ACE: variants seen among roughly 807,000 people sequenced by gnomAD.
ACE encodes the protein angiotensin-converting enzyme.
Under a neutral mutation model 162.3 loss-of-function variants are expected in ACE, and 122 were observed. That is an observed-to-expected ratio of 0.75 (90% confidence interval 0.65 to 0.87). ACE has a LOEUF of 0.87. Ranked by LOEUF, ACE falls within the 40% of genes least tolerant of loss-of-function variation. The probability of loss-of-function intolerance (pLI) is 0.00; values close to 1 mark genes in which losing one functional copy is unlikely to be tolerated. For synonymous variants in ACE, 796 were observed against 720.6 expected, an observed-to-expected ratio of 1.10 and a Z score of -1.68; for missense variants, 1,799 against 1,735.1, an observed-to-expected ratio of 1.04 and a Z score of -0.65.
intron 15 of ACE, among the ~76,000 whole-genome samples, chr17:63,488,307 C>T (rs1012076828): frequency 1.4e-5 from 2 of 147,242 alleles, no homozygotes; most frequent in African/African-American, 2.5e-5. Context: ...TGCAGTGAGC[C>T]GAGATGGCGC....
At chr17:63,481,230 T>A in intron 6 of ACE, 42 bp downstream of exon 6, 5 of 526,750 alleles carry the variant, frequency 9.5e-6, no homozygotes, top group Non-Finnish European at 1.7e-5. Flanking sequence ...GGGTCGGGGG[T>A]GGGGCGCAAA....
rs755617014 is a variant in ACE at position 63,477,363 on chromosome 17, CG to C, written c.249+25del. 7.6e-6 allele frequency: 9 copies of C among 1,183,730 alleles called. No individual in the cohort carries two copies. The South Asian group carries it at 8.0e-5, about 11-fold the overall frequency. The allele number at this position is 1,183,730 out of a possible 1,614,324, so 73.3% of individuals were successfully genotyped here. ...CGCCAGGTGGGCGCCCGGGCCCGGG[CG>C]GGGGCGGGGCGGGGCCGCGGCGGCC... On this transcript the variant is annotated intron_variant, in intron 1 of 24. Coordinates refer to ENST00000290866, the MANE Select transcript of ACE (RefSeq NM_000789.4).
chr17:63,478,154 G>T, intron 2 of ACE, 56 bp downstream of exon 2: 1 of 1,545,246 alleles, frequency 6.5e-7, no homozygotes, highest in Non-Finnish European at 8.7e-7. Context: ...CCCATCGTGG[G>T]GGTCGGGGGA....
Position 63,489,138 on chromosome 17 carries a change from G to C in ACE, c.2641+6G>C, listed in dbSNP as rs779732315. On this transcript the variant is annotated splice_donor_region_variant and intron_variant, in intron 17 of 24. Coordinates refer to ENST00000290866, the MANE Select transcript of ACE (RefSeq NM_000789.4). ...CATTCCTGCTCACCTGCTGGGTAAGGGCACATGTCGGGCCTTGAGGAGGGT... is the reference window on the plus strand; with the variant it reads ...CATTCCTGCTCACCTGCTGGGTAAGCGCACATGTCGGGCCTTGAGGAGGGT... 1.2e-5 allele frequency: 19 copies of C among 1,606,198 alleles called. No individual in the cohort carries two copies. The highest frequency in any genetic ancestry group is 1.6e-5 in the Non-Finnish European group (19 of 1,179,946).
In ACE at chr17:63,491,097, GACCCTCT is replaced by G; in HGVS notation, c.2739+47_2739+53del. ...AGGGAGGCCCCGCCGGGATGGGAGG[GACCCTCT>G]GATTCAGGAGTTCCCTCCAGTTTAG... On this transcript the variant is annotated intron_variant, in intron 18 of 24. Transcript: ENST00000290866. The surrounding 1 kb of genome is among the most constrained non-coding windows in gnomAD (Gnocchi z 4.4). 4 of 1,612,154 alleles carry G rather than the reference GACCCTCT, an allele frequency of 2.5e-6. No homozygotes were observed. The highest frequency in any genetic ancestry group is 3.4e-6 in the Non-Finnish European group (4 of 1,178,654).
intron 22 of ACE, 120 bp downstream of exon 22, chr17:63,494,590 C>T (rs1011186630): frequency 1.1e-5 from 10 of 901,970 alleles, no homozygotes; most frequent in South Asian, 2.8e-5. Context: ...GGGAGCCGGC[C>T]GCACGGTGCA....
rs2030721884 is a variant in ACE at position 63,496,277 on chromosome 17, C to T, written c.3381-117C>T. The T allele has an allele frequency of 1.6e-5, 24 of 1,512,784 alleles. No homozygotes were observed. In the East Asian group the frequency reaches 5.4e-4, roughly 34 times the overall value. 93.7% of individuals were successfully genotyped at this position (1,512,784 alleles called of 1,614,324 possible). On this transcript the variant is annotated intron_variant, in intron 22 of 24. Transcript: ENST00000290866. ...TGGGCAGAGTTGGGGGGCCTTGGCT[C>T]TGCTGTGCGCATGTGACTTAGCACA... is the stretch of plus-strand genomic sequence containing the variant.
chr17:63,489,114 A>G lies in ACE; in HGVS notation c.2623A>G (p.Ile875Val). 1.9e-6 allele frequency: 3 copies of G among 1,610,990 alleles called. No individual in the cohort carries two copies. The highest frequency in any genetic ancestry group is 2.2e-5 in the East Asian group (1 of 44,886). The change falls in exon 17 of 25, where the codon ATT becomes GTT. Residue 875 changes from isoleucine (I) to valine (V), a missense_variant. Physicochemically the swap from Ile to Val is conservative, Grantham distance 29. Transcript: ENST00000290866. ...CCAGCACATCAACCTGGAGGGGCCC[A>G]TTCCTGCTCACCTGCTGGGTAAGGG... ...GAQHINLEGP[I>V]PAHLLGNMWA...
Position 63,497,563 on chromosome 17 carries a change from C to G in ACE, c.*197C>G. ...TCTCCCAGCACACGGCTGCCTGACA[C>G]TGAGCCCCACCTCTCCAAGTCTCTC... On this transcript the variant is annotated 3_prime_UTR_variant, in exon 25 of 25. Transcript: ENST00000290866. 1 of 703,698 alleles carries G rather than the reference C, an allele frequency of 1.4e-6. No individual in the cohort carries two copies. Among genetic ancestry groups the G allele is most frequent in the Non-Finnish European group, 2.6e-6 (1 of 386,508 alleles). The allele number at this position is 703,698 out of a possible 1,614,324, so 43.6% of individuals were successfully genotyped here.
Position 63,477,252 on chromosome 17 carries a change from A to T in ACE, c.158A>T (p.Tyr53Phe). The T allele has an allele frequency of 6.7e-7, 1 of 1,502,774 alleles. No homozygotes were observed. The highest frequency in any genetic ancestry group is 8.9e-7 in the Non-Finnish European group (1 of 1,128,064). The allele number at this position is 1,502,774 out of a possible 1,614,324, so 93.1% of individuals were successfully genotyped here. A position where few individuals can be genotyped will look rare whatever the true frequency, so the allele number is the denominator to read the frequency against. The change falls in exon 1 of 25, where the codon TAC becomes TTC. Residue 53 changes from tyrosine (Y) to phenylalanine (F), a missense_variant. Coordinates refer to ENST00000290866, the MANE Select transcript of ACE (RefSeq NM_000789.4). ...GGGGCGCAGCTCTTCGCGCAGAGCT[A>T]CAACTCCAGCGCCGAACAGGTGCTG... ...EAGAQLFAQS[Y>F]NSSAEQVLFQ...
At chr17:63,490,804 T>A in intron 17 of ACE, 150 bp from the exon 18 acceptor site, 1 of 756,866 alleles carries the variant, frequency 1.3e-6, no homozygotes, top group South Asian at 1.5e-5. Flanking sequence ...AAAGATGATG[T>A]GTGCCTCAAA....
chr17:63,485,416 A>G, intron 13 of ACE, 44 bp downstream of exon 13: 1 of 1,611,450 alleles, frequency 6.2e-7, no homozygotes, highest in Non-Finnish European at 8.5e-7. Flanking sequence ...ATGTGCATAC[A>G]CACAGAGATG....
At chr17:63,496,261 T>C (rs1364605207) in intron 22 of ACE, 133 bp from the exon 23 acceptor site, 8 of 1,343,986 alleles carry the variant, frequency 6.0e-6, no homozygotes, top group African/African-American at 2.9e-5. Flanking sequence ...GTGGGCAGAG[T>C]TGGGGGGCCT....
At chr17:63,480,197 T>C (rs1439955938) in intron 4 of ACE, 140 bp from the exon 5 acceptor site, 3 of 962,418 alleles carry the variant, frequency 3.1e-6, no homozygotes, top group Non-Finnish European at 4.8e-6. Context: ...TTAGAAATTG[T>C]AGAGTGGCAA....
chr17:63,496,652 G>T, intron 23 of ACE, 136 bp downstream of exon 23: 1 of 1,578,280 alleles, frequency 6.3e-7, no homozygotes. Flanking sequence ...CGTGGGCCAG[G>T]CCTGATTGCC....
rs2049680345 is a variant in ACE at position 63,479,983 on chromosome 17, C to T, written c.655+71C>T. 3.2e-6 allele frequency: 5 copies of T among 1,546,752 alleles called. No homozygotes were observed. The Admixed American group carries it at 9.5e-5, about 30-fold the overall frequency. On this transcript the variant is annotated intron_variant, in intron 4 of 24. Coordinates refer to ENST00000290866, the MANE Select transcript of ACE (RefSeq NM_000789.4). ...CTCAGCTGTCTCCCCAGAGTCCCAG[C>T]CCAGAGTCAGGCAGAGCAGCTGGTA... is the stretch of plus-strand genomic sequence containing the variant.
intron 14 of ACE, 59 bp downstream of exon 14, chr17:63,486,774 G>C: frequency 1.2e-6 from 2 of 1,607,060 alleles, no homozygotes; most frequent in Non-Finnish European, 1.7e-6. Flanking sequence ...CCCAACACAG[G>C]GTCTGGCCTG....
At chr17:63,487,170 C>A in intron 15 of ACE, 97 bp downstream of exon 15, 1 of 1,028,788 alleles carries the variant, frequency 9.7e-7, no homozygotes, top group Non-Finnish European at 1.5e-6. Flanking sequence ...GTTCCCCTCG[C>A]TCTTGGGGTC....
intron 2 of ACE, chr17:63,478,440 C>T (rs1045484280): frequency 2.0e-5 from 7 of 346,866 alleles, no homozygotes; most frequent in Non-Finnish European, 3.3e-5. Context: ...CTGAGGTGGG[C>T]GCATCGCTTG....
Sources: allele counts gnomAD v4.1 joint callset (sites outside exome capture counted in the v4.1 genomes callset), GRCh38; gene constraint gnomAD v4.1.1; non-coding constraint Gnocchi (gnomAD v3.1); transcripts MANE v1.5; gene names NCBI Gene and HGNC (gene_info 2026-07-23, HGNC 2026-07-21).